PITPNM3: variants seen among roughly 807,000 people sequenced by gnomAD.
PITPNM3 encodes the protein membrane-associated phosphatidylinositol transfer protein 3.
Under a neutral mutation model 102.0 loss-of-function variants are expected in PITPNM3, and 26 were observed. The observed-to-expected ratio is 0.25, with a 90% CI of 0.19 to 0.35. The LOEUF (loss-of-function observed/expected upper bound fraction) is 0.35, where lower values mean the gene tolerates loss of function less well. PITPNM3 is among the 10% of genes least tolerant of loss of function. The pLI, the probability that PITPNM3 is intolerant of heterozygous loss-of-function variation, is 1.00. For synonymous variants in PITPNM3, 578 were observed against 558.6 expected, an observed-to-expected ratio of 1.03 and a Z score of -0.49; for missense variants, 1,083 against 1,346.1, an observed-to-expected ratio of 0.80 and a Z score of 3.06.
rs1904329287 is a variant in PITPNM3 at position 6,458,958 on chromosome 17, C to T, written c.2491-1236G>A. 1.3e-5 allele frequency among the ~76,000 whole-genome samples: 2 copies of T among 152,240 alleles called. No homozygotes were observed. Among genetic ancestry groups the T allele is most frequent in the African/African-American group, 4.8e-5 (2 of 41,534 alleles). ...CCTACCCCATCCTGCAGGTGACTGC[C>T]TTCGATGCTGGACCAAGGAGAGGGC... On this transcript the variant is annotated intron_variant, in intron 18 of 19. Transcript: ENST00000262483. The surrounding 1 kb of genome is among the most constrained non-coding windows in gnomAD (Gnocchi z 5.1).
intron 2 of PITPNM3, among the ~76,000 whole-genome samples, chr17:6,528,232 A>G (rs925059857): frequency 6.6e-6 from 1 of 152,080 alleles, no homozygotes; most frequent in Non-Finnish European, 1.5e-5. Context: ...TGGAACACGT[A>G]TGCATTGCCT....
chr17:6,544,677 C>CACAT, intron 1 of PITPNM3, among the ~76,000 whole-genome samples: 1 of 149,124 alleles, frequency 6.7e-6, no homozygotes, highest in Non-Finnish European at 1.5e-5. Flanking sequence ...CACACACACA[C>CACAT]AAATACACAC....
At chr17:6,477,254 G>A (rs773944147) in intron 8 of PITPNM3, 41 bp from the exon 9 acceptor site, 2 of 1,597,572 alleles carry the variant, frequency 1.3e-6, no homozygotes, top group East Asian at 4.5e-5. Flanking sequence ...AAAGACTGTT[G>A]TCACGGGAGA....
Position 6,464,829 on chromosome 17 carries a change from A to G in PITPNM3, c.1891-58T>C, listed in dbSNP as rs1284498189. The G allele has an allele frequency of 4.7e-6, 7 of 1,503,750 alleles. No homozygotes were observed. The South Asian group carries it at 6.8e-5, about 15-fold the overall frequency. The allele number at this position is 1,503,750 out of a possible 1,614,324, so 93.2% of individuals were successfully genotyped here. On this transcript the variant is annotated intron_variant, in intron 14 of 19. Coordinates refer to ENST00000262483, the MANE Select transcript of PITPNM3 (RefSeq NM_031220.4). ...TGCAAGGGAGGCTCAACCTTGCTTT[A>G]TCATTGCAGTGTTCCTCAGACTGGC...
At chr17:6,553,932 T>C (rs1003747903) in intron 1 of PITPNM3, among the ~76,000 whole-genome samples, 4 of 152,150 alleles carry the variant, frequency 2.6e-5, no homozygotes, top group Non-Finnish European at 5.9e-5. Flanking sequence ...CTCACCAATC[T>C]ATTCTTCACA....
Position 6,478,248 on chromosome 17 carries a change from C to G in PITPNM3, c.778-151G>C, listed in dbSNP as rs972041265. On this transcript the variant is annotated intron_variant, in intron 7 of 19. Transcript: ENST00000262483. This position sits in a 1 kb window ranked among gnomAD's most constrained non-coding sequence, Gnocchi z 4.4. ...GCCCAACTGGGAAGCAGTGTGCAAACTGGGGAGGGTCAGGGTTGGCGTTGG... is the reference window on the plus strand; with the variant it reads ...GCCCAACTGGGAAGCAGTGTGCAAAGTGGGGAGGGTCAGGGTTGGCGTTGG... 1 of 1,374,442 alleles carries G rather than the reference C, an allele frequency of 7.3e-7. No homozygotes were observed. Among genetic ancestry groups the G allele is most frequent in the Non-Finnish European group, 9.9e-7 (1 of 1,010,834 alleles). The allele number at this position is 1,374,442 out of a possible 1,614,324, so 85.1% of individuals were successfully genotyped here. A position where few individuals can be genotyped will look rare whatever the true frequency, so the allele number is the denominator to read the frequency against.
Position 6,468,193 on chromosome 17 carries a change from C to T in PITPNM3, c.1890+32G>A. On this transcript the variant is annotated intron_variant, in intron 14 of 19. Coordinates refer to ENST00000262483, the MANE Select transcript of PITPNM3 (RefSeq NM_031220.4). The surrounding 1 kb of genome is among the most constrained non-coding windows in gnomAD (Gnocchi z 5.2). ...AGCCCCACCTCCCGGAGGACACAGT[C>T]CCAGCCACATGCGAACTGAGCATGC... The T allele has an allele frequency of 6.2e-7, 1 of 1,603,688 alleles. No individual in the cohort carries two copies. The highest frequency in any genetic ancestry group is 8.5e-7 in the Non-Finnish European group (1 of 1,172,374).
intron 4 of PITPNM3, among the ~76,000 whole-genome samples, chr17:6,495,277 G>A (rs1597383516): frequency 6.6e-6 from 1 of 152,106 alleles, no homozygotes; most frequent in South Asian, 2.1e-4. Context: ...CATGTAGCAG[G>A]GTGGTTTTTT....
Position 6,478,441 on chromosome 17 carries a change from G to T in PITPNM3, c.777+106C>A. The T allele has an allele frequency of 7.1e-7, 1 of 1,417,982 alleles. No homozygotes were observed. Among genetic ancestry groups the T allele is most frequent in the Non-Finnish European group, 9.8e-7 (1 of 1,022,708 alleles). 87.8% of individuals were successfully genotyped at this position (1,417,982 alleles called of 1,614,324 possible). A position where few individuals can be genotyped will look rare whatever the true frequency, so the allele number is the denominator to read the frequency against. On this transcript the variant is annotated intron_variant, in intron 7 of 19. Coordinates refer to ENST00000262483, the MANE Select transcript of PITPNM3 (RefSeq NM_031220.4). This position sits in a 1 kb window ranked among gnomAD's most constrained non-coding sequence, Gnocchi z 4.4. ...AAAGCCACCTTTGGGCTCAGAGGCT[G>T]ATTCGAGAACAGCCTGGCCTTGGCC...
In PITPNM3 at chr17:6,461,469, C is replaced by A. The variant is rs1413883206; in HGVS notation, c.2394G>T (p.Gln798His). The A allele has an allele frequency of 1.9e-6, 3 of 1,614,210 alleles. No homozygotes were observed. The highest frequency in any genetic ancestry group is 3.3e-5 in the Admixed American group (2 of 60,036). The change falls in exon 18 of 20, where the codon CAG (glutamine) becomes CAT (histidine). Residue 798 changes from glutamine (Q) to histidine (H), a missense_variant. Around this residue, in one of 5 missense-constraint regions of PITPNM3, gnomAD observed 410 missense variants for 638.4 expected, o/e 0.64. Transcript: ENST00000262483. Reference protein sequence around the residue: ...QKQRVVSWLSQHNFPQGMIFF... With the variant: ...QKQRVVSWLSHHNFPQGMIFF... ...AGATCATGCCCTGTGGGAAGTTGTG[C>A]TGGGACAGCCACGACACCACCCGCT...
intron 14 of PITPNM3, among the ~76,000 whole-genome samples, chr17:6,467,330 T>C (rs1904837537): frequency 1.3e-5 from 2 of 152,088 alleles, no homozygotes; most frequent in African/African-American, 2.4e-5. Context: ...GCACAGAAAG[T>C]CGATTACTGA....
At chr17:6,492,345 G>A (rs921139014) in intron 4 of PITPNM3, among the ~76,000 whole-genome samples, 6 of 151,974 alleles carry the variant, frequency 3.9e-5, no homozygotes, top group Admixed American at 2.0e-4. Flanking sequence ...TTACAGACAT[G>A]AGCCACTGTG....
Position 6,556,265 on chromosome 17 carries a change from C to T in PITPNM3, c.22+120G>A, listed in dbSNP as rs1274031091. ...GGTCCAGCCCCGCTACCGCCCCCTACGCCCTCCCGGGACCTCCGCCCACCT... is the reference window on the plus strand; with the variant it reads ...GGTCCAGCCCCGCTACCGCCCCCTATGCCCTCCCGGGACCTCCGCCCACCT... On this transcript the variant is annotated intron_variant, in intron 1 of 19. Transcript: ENST00000262483. This position sits in a 1 kb window ranked among gnomAD's most constrained non-coding sequence, Gnocchi z 5.2. 6 of 803,308 alleles carry T rather than the reference C, an allele frequency of 7.5e-6. No homozygotes were observed. The highest frequency in any genetic ancestry group is 8.6e-6 in the Non-Finnish European group (5 of 582,182). 49.8% of individuals were successfully genotyped at this position (803,308 alleles called of 1,614,324 possible). A position where few individuals can be genotyped will look rare whatever the true frequency, so the allele number is the denominator to read the frequency against.
intron 1 of PITPNM3, among the ~76,000 whole-genome samples, chr17:6,539,429 A>G (rs165102): frequency 0.73 from 111,045 of 152,038 alleles, 41,172 homozygotes; most frequent in African/African-American, 0.85. Flanking sequence ...CAGATGACAT[A>G]ATTGTCTATG....
intron 3 of PITPNM3, among the ~76,000 whole-genome samples, chr17:6,509,473 C>G (rs962404735): frequency 6.6e-6 from 1 of 152,216 alleles, no homozygotes; most frequent in Non-Finnish European, 1.5e-5. Context: ...AACAGCCCCT[C>G]TGGAGCAGAG....
In PITPNM3 at chr17:6,458,307, G is replaced by A. The variant is rs1597358431; in HGVS notation, c.2491-585C>T. ...CCGATCAAACTACCTCCTCCTGTGA[G>A]GTGCTCGCCACCCAGCTGCCCCTCA... On this transcript the variant is annotated intron_variant, in intron 18 of 19. Transcript: ENST00000262483. The surrounding 1 kb of genome is among the most constrained non-coding windows in gnomAD (Gnocchi z 5.1). Among the ~76,000 whole-genome samples, 3 of 152,076 alleles carry A rather than the reference G, an allele frequency of 2.0e-5. No individual in the cohort carries two copies. The highest frequency in any genetic ancestry group is 2.0e-4 in the Admixed American group (3 of 15,286).
At chr17:6,534,017 A>C (rs544103964) in intron 2 of PITPNM3, among the ~76,000 whole-genome samples, 1 of 152,318 alleles carries the variant, frequency 6.6e-6, no homozygotes, top group South Asian at 2.1e-4. Flanking sequence ...CCAGCTTGTA[A>C]AGTGAGTCAG....
Position 6,474,479 on chromosome 17 carries a change from AGT to A in PITPNM3, c.1209_1210del (p.Leu404GlyfsTer74). On this transcript the variant is annotated frameshift_variant, in exon 10 of 20. Coordinates refer to ENST00000262483, the MANE Select transcript of PITPNM3 (RefSeq NM_031220.4). LOFTEE classifies it high-confidence loss of function. Reference sequence around the variant, plus strand: ...CCTCCGCATGGCCAGGACCAGGCCCAGTGGCGAGCCGAAGAGGAAGAAGTCGG... The same window carrying A: ...CCTCCGCATGGCCAGGACCAGGCCCAGGCGAGCCGAAGAGGAAGAAGTCGG... 6.2e-7 allele frequency: 1 copy of A among 1,613,444 alleles called. No homozygotes were observed. Among genetic ancestry groups the A allele is most frequent in the Non-Finnish European group, 8.5e-7 (1 of 1,179,964 alleles).
chr17:6,512,047 C>T (rs1907896002), intron 3 of PITPNM3, among the ~76,000 whole-genome samples: 1 of 152,204 alleles, frequency 6.6e-6, no homozygotes, highest in African/African-American at 2.4e-5. Flanking sequence ...GATCGATTGT[C>T]TGGGCTTCCA....
Sources: gnomAD v4.1 joint callset for allele counts (sites outside exome capture counted in the v4.1 genomes callset) on GRCh38, gnomAD v4.1.1 for gene constraint, gnomAD v4.1.1 regional missense constraint, Gnocchi (gnomAD v3.1) non-coding constraint, MANE v1.5 for transcripts, NCBI Gene and HGNC (gene_info 2026-07-23, HGNC 2026-07-21) for gene names.